Variants in SEZ6L observed in about 807,000 individuals in gnomAD.
SEZ6L encodes seizure related 6 homolog like, also known as seizure 6-like protein.
A neutral mutation model predicts 106.2 loss-of-function variants in SEZ6L; 37 were observed. The ratio of observed to expected loss-of-function variants is 0.35; its 90% CI spans 0.27 to 0.46. The LOEUF is 0.46. Among genes scored for constraint, SEZ6L ranks in the 20% least tolerant of loss-of-function variants. The pLI is 1.00. For synonymous variants in SEZ6L, 541 were observed against 570.4 expected (o/e 0.95, Z 0.73); for missense variants, 1,172 against 1,332.8 (o/e 0.88, Z 1.88).
intron 5 of SEZ6L, among the ~76,000 whole-genome samples, chr22:26,300,120 C>G (rs1425957951): frequency 6.6e-6 from 1 of 151,716 alleles, no homozygotes; most frequent in African/African-American, 2.4e-5. Flanking sequence ...ATTTGTAGAT[C>G]TTCTTTGGGG....
intron 1 of SEZ6L, among the ~76,000 whole-genome samples, chr22:26,287,465 G>T (rs969400125): frequency 6.6e-6 from 1 of 152,122 alleles, no homozygotes; most frequent in Non-Finnish European, 1.5e-5. Flanking sequence ...AGATAAATGT[G>T]ACTATCATGA....
intron 1 of SEZ6L, among the ~76,000 whole-genome samples, chr22:26,266,412 A>AT (rs907287642): frequency 2.6e-5 from 4 of 151,052 alleles, no homozygotes; most frequent in African/African-American, 9.7e-5. Context: ...AAAAAAAAAA[A>AT]AATACAAAAA....
intron 15 of SEZ6L, among the ~76,000 whole-genome samples, chr22:26,375,993 A>T (rs2146085654): frequency 6.6e-6 from 1 of 152,160 alleles, no homozygotes; most frequent in South Asian, 2.1e-4. Context: ...TCCATCACTC[A>T]CTCATTCACT....
At chr22:26,212,421 T>C (rs2145705506) in intron 1 of SEZ6L, among the ~76,000 whole-genome samples, 1 of 152,346 alleles carries the variant, frequency 6.6e-6, no homozygotes, top group Non-Finnish European at 1.5e-5. Context: ...CAAAGGACTT[T>C]TTTAAAAAAA....
rs368736224 is a variant in SEZ6L, at chr22:26,236,349, C to T, written c.95-56057C>T. On this transcript the variant is annotated intron_variant, in intron 1 of 16. Coordinates refer to ENST00000248933, the MANE Select transcript of SEZ6L (RefSeq NM_021115.5). ...AGAACTTGGGTATTATTGAAACTCC[C>T]TCATGCCTGAATGATGTATGACTCT... is the stretch of plus-strand genomic sequence containing the variant. Among the ~76,000 whole-genome samples, 10 of 152,294 alleles carry T rather than the reference C, an allele frequency of 6.6e-5. No individual in the cohort carries two copies. In the South Asian group the frequency reaches 2.1e-3, roughly 32 times the overall value.
intron 1 of SEZ6L, among the ~76,000 whole-genome samples, chr22:26,273,229 C>A (rs1266722523): frequency 6.6e-6 from 1 of 152,268 alleles, no homozygotes; most frequent in Non-Finnish European, 1.5e-5. Flanking sequence ...AAAAGGGCAT[C>A]TTTCCCCCAC....
chr22:26,353,665 T>G (rs2083346938), intron 12 of SEZ6L, among the ~76,000 whole-genome samples: 1 of 152,228 alleles, frequency 6.6e-6, no homozygotes, highest in Non-Finnish European at 1.5e-5. Context: ...CGACCTTGAT[T>G]GGACATAGCG....
Position 26,330,360 on chromosome 22 carries a change from G to A in SEZ6L, c.2016-10076G>A, listed in dbSNP as rs116656045. Among the ~76,000 whole-genome samples, 5 of 152,322 alleles carry A rather than the reference G, an allele frequency of 3.3e-5. No homozygotes were observed. In the East Asian group the frequency reaches 7.7e-4, roughly 23 times the overall value. ...AGAGTCGTACTTACAGGGTTAGTCC[G>A]AGGATAAGATGAAATGGTGCATGTA... On this transcript the variant is annotated intron_variant, in intron 9 of 16. Coordinates refer to ENST00000248933, the MANE Select transcript of SEZ6L (RefSeq NM_021115.5).
intron 9 of SEZ6L, among the ~76,000 whole-genome samples, chr22:26,319,940 C>A (rs75044293): frequency 3.7e-4 from 56 of 152,012 alleles, no homozygotes; most frequent in African/African-American, 1.3e-3. Context: ...CTATGATGCA[C>A]GTGGAGGGAA....
At chr22:26,197,477 C>T (rs1408631662) in intron 1 of SEZ6L, among the ~76,000 whole-genome samples, 1 of 152,090 alleles carries the variant, frequency 6.6e-6, no homozygotes, top group Non-Finnish European at 1.5e-5. Context: ...GTCATCCTTC[C>T]CAGGAGGAGA....
chr22:26,262,261 T>C (rs1332088101), intron 1 of SEZ6L, among the ~76,000 whole-genome samples: 3 of 149,256 alleles, frequency 2.0e-5, no homozygotes, highest in African/African-American at 7.7e-5. Flanking sequence ...TCTATCTATC[T>C]ATCTATCTAT....
intron 12 of SEZ6L, among the ~76,000 whole-genome samples, chr22:26,353,009 C>G (rs951070753): frequency 6.6e-6 from 1 of 152,188 alleles, no homozygotes; most frequent in Non-Finnish European, 1.5e-5. Context: ...AACATCTGAT[C>G]CTTTTCTTGT....
intron 12 of SEZ6L, among the ~76,000 whole-genome samples, chr22:26,357,000 G>A (rs76115395): frequency 0.064 from 9,591 of 150,372 alleles, 1,071 homozygotes; most frequent in African/African-American, 0.22. Context: ...TGCCCAGGCC[G>A]ATGTGCAGTG....
chr22:26,292,650 G>GC lies in SEZ6L; in HGVS notation c.345dup (p.Lys116GlnfsTer112). The GC allele has an allele frequency of 6.2e-7, 1 of 1,613,110 alleles. No homozygotes were observed. ...AGGAGGCCCGCCCCAAGCACGCCTTGCCCCCCAAGAAGAAACTGCCTTCGC... is the reference window on the plus strand; with the variant it reads ...AGGAGGCCCGCCCCAAGCACGCCTTGCCCCCCCAAGAAGAAACTGCCTTCGC... On this transcript the variant is annotated frameshift_variant, in exon 2 of 17. Coordinates refer to ENST00000248933, the MANE Select transcript of SEZ6L (RefSeq NM_021115.5). LOFTEE classifies it high-confidence loss of function.
intron 1 of SEZ6L, among the ~76,000 whole-genome samples, chr22:26,201,382 C>CAAAAA (rs71192905): frequency 1.3e-3 from 95 of 75,296 alleles, no homozygotes; most frequent in Non-Finnish European, 1.9e-3. Context: ...TACAAAAATA[C>CAAAAA]AAAAAAAAAA....
At chr22:26,238,481 C>A (rs1602116390) in intron 1 of SEZ6L, among the ~76,000 whole-genome samples, 1 of 152,320 alleles carries the variant, frequency 6.6e-6, no homozygotes, top group East Asian at 1.9e-4. Flanking sequence ...CTGTGTTGAG[C>A]CAGGCAGTTC....
chr22:26,363,367 G>A (rs1253190003), intron 12 of SEZ6L, among the ~76,000 whole-genome samples: 2 of 152,192 alleles, frequency 1.3e-5, no homozygotes, highest in East Asian at 3.8e-4. Context: ...GATTATATCT[G>A]TTTTATTCAC....
intron 1 of SEZ6L, among the ~76,000 whole-genome samples, chr22:26,207,970 C>T (rs1941365635): frequency 6.7e-6 from 1 of 149,686 alleles, no homozygotes; most frequent in African/African-American, 2.5e-5. Flanking sequence ...AGTGCAGTGG[C>T]GCGATCTCGA....
rs1422867731 is a variant in SEZ6L, at chr22:26,169,617, C to A, written c.-53C>A. 2 of 655,410 alleles carry A rather than the reference C, an allele frequency of 3.1e-6. No individual in the cohort carries two copies. The highest frequency in any genetic ancestry group is 4.6e-6 in the Non-Finnish European group (2 of 437,800). The allele number at this position is 655,410 out of a possible 1,614,324, so 40.6% of individuals were successfully genotyped here. A position where few individuals can be genotyped will look rare whatever the true frequency, so the allele number is the denominator to read the frequency against. On this transcript the variant is annotated 5_prime_UTR_variant, in exon 1 of 17. Coordinates refer to ENST00000248933, the MANE Select transcript of SEZ6L (RefSeq NM_021115.5). The stretch of plus-strand genomic sequence containing the variant: ...CACCGCCGCCCTCCTTCCCCAGCTC[C>A]CTCGCCGTCCGCCCGCCCCACAGCC...
Sources: allele counts gnomAD v4.1 joint callset (sites outside exome capture counted in the v4.1 genomes callset), GRCh38; gene constraint gnomAD v4.1.1; transcripts MANE v1.5; gene names NCBI Gene and HGNC (gene_info 2026-07-23, HGNC 2026-07-21).